Variants in GSK3B observed in about 807,000 individuals in gnomAD.
The protein encoded by GSK3B is glycogen synthase kinase 3 beta.
A neutral mutation model predicts 56.4 loss-of-function variants in GSK3B; 15 were observed. That is an observed-to-expected ratio of 0.27 (90% CI 0.18 to 0.41). GSK3B has a LOEUF of 0.41. Ranked by LOEUF, GSK3B falls within the 10% of genes least tolerant of loss-of-function variation. The probability of loss-of-function intolerance (pLI) is 1.00; values close to 1 mark genes in which losing one functional copy is unlikely to be tolerated. For missense variants in GSK3B, 300 were observed against 513.4 expected, an observed-to-expected ratio of 0.58 and a Z score of 4.02; for synonymous variants, 181 against 188.9, an observed-to-expected ratio of 0.96 and a Z score of 0.34.
At chr3:119,963,221 C>A (rs2057289293) in intron 2 of GSK3B, among the ~76,000 whole-genome samples, 1 of 152,080 alleles carries the variant, frequency 6.6e-6, no homozygotes, top group Non-Finnish European at 1.5e-5. Flanking sequence ...GGAAAAACAT[C>A]CTGTGTTCAT....
chr3:119,867,568 AACAAT>A (rs2056200101), intron 8 of GSK3B, among the ~76,000 whole-genome samples: 1 of 152,192 alleles, frequency 6.6e-6, no homozygotes, highest in Non-Finnish European at 1.5e-5. Context: ...ATATAAAATT[AACAAT>A]ACAACTAAGG....
chr3:119,848,507 C>T (rs562319884), intron 9 of GSK3B, among the ~76,000 whole-genome samples: 1 of 152,128 alleles, frequency 6.6e-6, no homozygotes, highest in South Asian at 2.1e-4. Context: ...CTAGTACATT[C>T]GCAAGGTTTA....
intron 2 of GSK3B, among the ~76,000 whole-genome samples, chr3:119,963,938 CCTT>C (rs2057296980): frequency 2.6e-5 from 4 of 152,064 alleles, no homozygotes; most frequent in Non-Finnish European, 2.9e-5. Flanking sequence ...TCAGAGAAAA[CCTT>C]CTTGACACTG....
intron 1 of GSK3B, among the ~76,000 whole-genome samples, chr3:120,026,105 C>G (rs2057920751): frequency 6.6e-6 from 1 of 152,050 alleles, no homozygotes; most frequent in Non-Finnish European, 1.5e-5. Flanking sequence ...TTCCTCCTAC[C>G]CCCAAATATA....
intron 7 of GSK3B, among the ~76,000 whole-genome samples, chr3:119,884,686 C>CA (rs2056415269): frequency 1.4e-5 from 2 of 140,100 alleles, no homozygotes; most frequent in Admixed American, 1.4e-4. Context: ...TTTTCTTAAA[C>CA]TACAGTGATT....
At chr3:119,967,903 T>C (rs1348088688) in intron 2 of GSK3B, among the ~76,000 whole-genome samples, 2 of 150,388 alleles carry the variant, frequency 1.3e-5, no homozygotes, top group African/African-American at 2.4e-5. Context: ...TCACCCAGGC[T>C]GGAGTGCAGT....
intron 2 of GSK3B, among the ~76,000 whole-genome samples, chr3:119,954,520 G>A (rs2057193356): frequency 6.6e-6 from 1 of 152,112 alleles, no homozygotes; most frequent in African/African-American, 2.4e-5. Flanking sequence ...TGACTTGCCT[G>A]TAAAGGCATC....
At chr3:119,994,140 G>C (rs2057592524) in intron 2 of GSK3B, among the ~76,000 whole-genome samples, 1 of 152,130 alleles carries the variant, frequency 6.6e-6, no homozygotes, top group Non-Finnish European at 1.5e-5. Context: ...GGGATTACAG[G>C]TGTGAGCCAC....
At chr3:119,922,933 T>C (rs1298218812) in intron 4 of GSK3B, among the ~76,000 whole-genome samples, 1 of 152,142 alleles carries the variant, frequency 6.6e-6, no homozygotes, top group South Asian at 2.1e-4. Context: ...ATATTTAAAA[T>C]TGCCAACAGT....
At chr3:119,927,788 A>G (rs2056902383) in intron 3 of GSK3B, among the ~76,000 whole-genome samples, 2 of 152,172 alleles carry the variant, frequency 1.3e-5, no homozygotes, top group Non-Finnish European at 2.9e-5. Context: ...GAAAGGACTG[A>G]GTATGGAATC....
intron 1 of GSK3B, among the ~76,000 whole-genome samples, chr3:120,007,411 G>T (rs1290215669): frequency 6.6e-6 from 1 of 152,094 alleles, no homozygotes; most frequent in Non-Finnish European, 1.5e-5. Flanking sequence ...CTCATTTTAT[G>T]AGGCTAGCAT....
At chr3:119,894,089 CTG>C (rs1166700080) in intron 7 of GSK3B, among the ~76,000 whole-genome samples, 1 of 152,106 alleles carries the variant, frequency 6.6e-6, no homozygotes, top group Non-Finnish European at 1.5e-5. Flanking sequence ...TCTCCACAAT[CTG>C]TCTCTTCTGG....
intron 3 of GSK3B, among the ~76,000 whole-genome samples, chr3:119,933,560 G>A (rs567061843): frequency 9.2e-5 from 14 of 152,248 alleles, no homozygotes; most frequent in African/African-American, 2.6e-4. Context: ...AAAACAAAAA[G>A]CCCACATGAT....
At position 119,825,818 on chromosome 3, in the gene GSK3B, T is replaced by C. The variant is rs2055495131; in HGVS notation, c.*970A>G. 4 of 219,920 alleles carry C rather than the reference T, an allele frequency of 1.8e-5. No homozygotes were observed. In the East Asian group the frequency reaches 2.7e-4, roughly 15 times the overall value. The allele number at this position is 219,920 out of a possible 1,614,324, so 13.6% of individuals were successfully genotyped here. ...ACTACAATGTCCTCTCAAGTGTATC[T>C]TTCCAAGGGAAGTAACTTTAGAAAA... On this transcript the variant is annotated 3_prime_UTR_variant, in exon 11 of 11. Coordinates refer to ENST00000264235, the MANE Select transcript of GSK3B (RefSeq NM_001146156.2).
chr3:119,940,797 TC>T (rs2057040975), intron 3 of GSK3B, among the ~76,000 whole-genome samples: 1 of 152,210 alleles, frequency 6.6e-6, no homozygotes, highest in South Asian at 2.1e-4. Flanking sequence ...GTCACATACT[TC>T]CTGCAAACTA....
At chr3:120,020,252 T>C (rs1285710383) in intron 1 of GSK3B, among the ~76,000 whole-genome samples, 1 of 152,228 alleles carries the variant, frequency 6.6e-6, no homozygotes, top group Non-Finnish European at 1.5e-5. Context: ...CTGATTAAAT[T>C]CTAGTTTACA....
chr3:120,030,062 AT>A (rs2057961949), intron 1 of GSK3B, among the ~76,000 whole-genome samples: 1 of 152,066 alleles, frequency 6.6e-6, no homozygotes, highest in African/African-American at 2.4e-5. Context: ...ATAAAGGTTT[AT>A]ATCTAGTTGG....
intron 2 of GSK3B, among the ~76,000 whole-genome samples, chr3:119,967,322 C>T (rs111782545): frequency 0.027 from 4,183 of 152,160 alleles, 181 homozygotes; most frequent in African/African-American, 0.092. Context: ...ATGATATGTC[C>T]GCCTCGGCCT....
Position 119,934,401 on chromosome 3 carries a change from T to C in GSK3B, c.367-10918A>G, listed in dbSNP as rs540762596. On this transcript the variant is annotated intron_variant, in intron 3 of 10. Coordinates refer to ENST00000264235, the MANE Select transcript of GSK3B (RefSeq NM_001146156.2). ...TAAAAAAGCAGACAAACTCCAATAG[T>C]GAGGCATCCTACAAAACATCTGACC... 7.9e-4 allele frequency among the ~76,000 whole-genome samples: 120 copies of C among 152,320 alleles called. 3 individuals carry two copies. The South Asian group carries it at 0.024, about 31-fold the overall frequency.
Sources: gnomAD v4.1 joint callset for allele counts (sites outside exome capture counted in the v4.1 genomes callset) on GRCh38, gnomAD v4.1.1 for gene constraint, MANE v1.5 for transcripts, NCBI Gene and HGNC (gene_info 2026-07-23, HGNC 2026-07-21) for gene names.